Variants in BICD1 observed in about 807,000 individuals in gnomAD.
BICD1 encodes protein bicaudal D homolog 1.
A neutral mutation model predicts 92.5 loss-of-function variants in BICD1; 35 were observed. That is an observed-to-expected ratio of 0.38 (90% CI 0.29 to 0.50). BICD1 has a LOEUF of 0.50. Ranked by LOEUF, BICD1 falls within the 20% of genes least tolerant of loss-of-function variation. The probability of loss-of-function intolerance (pLI) is 0.93; values close to 1 mark genes in which losing one functional copy is unlikely to be tolerated. For missense variants in BICD1, 950 were observed against 1,189.8 expected, an observed-to-expected ratio of 0.80 and a Z score of 2.97; for synonymous variants, 429 against 465.1, an observed-to-expected ratio of 0.92 and a Z score of 1.00.
chr12:32,238,893 G>A (rs182565681), intron 2 of BICD1, among the ~76,000 whole-genome samples: 13 of 138,386 alleles, frequency 9.4e-5, no homozygotes, highest in African/African-American at 3.3e-4. Context: ...GCAGTGAGCC[G>A]AGATCGCGCC....
chr12:32,187,751 T>G (rs1459608672), intron 1 of BICD1, among the ~76,000 whole-genome samples: 1 of 152,186 alleles, frequency 6.6e-6, no homozygotes, highest in Non-Finnish European at 1.5e-5. Context: ...GACAAAGATG[T>G]AAGAACTACC....
chr12:32,320,597 C>T (rs768870066), intron 4 of BICD1, among the ~76,000 whole-genome samples: 4 of 152,040 alleles, frequency 2.6e-5, no homozygotes, highest in African/African-American at 4.8e-5. Flanking sequence ...TCCAAGATCA[C>T]GCCACTGCAC....
At chr12:32,333,067 A>T in intron 5 of BICD1, 1 of 985,008 alleles carries the variant, frequency 1.0e-6, no homozygotes, top group Non-Finnish European at 1.2e-6. Flanking sequence ...TCTGTTTCAG[A>T]TCTAGCTCTT....
chr12:32,136,192 C>T (rs79574050), intron 1 of BICD1, among the ~76,000 whole-genome samples: 2,459 of 152,316 alleles, frequency 0.016, 22 homozygotes, highest in African/African-American at 0.026. Context: ...TCTTACTCAA[C>T]TTTGTATCAC....
At chr12:32,140,624 A>G (rs559930007) in intron 1 of BICD1, among the ~76,000 whole-genome samples, 1 of 152,226 alleles carries the variant, frequency 6.6e-6, no homozygotes, top group South Asian at 2.1e-4. Flanking sequence ...CCATTGAAGG[A>G]AGTGCCATAG....
chr12:32,327,666 A>G lies in BICD1; in HGVS notation c.1211A>G (p.His404Arg), dbSNP rs757522782. ...GGCCGGGACTCAGGGGAGGAGGCCC[A>G]TGACTATGAGGTGGACATCAATGGT... ...EKGRDSGEEA[H>R]DYEVDINGLE... is the part of the protein sequence containing the mutation. The change falls in exon 5 of 10, where the codon CAT becomes CGT. Residue 404 changes from histidine to arginine, a missense_variant. By Grantham distance (29) the His-to-Arg change is conservative. Transcript: ENST00000652176. 3 of 1,614,110 alleles carry G rather than the reference A, an allele frequency of 1.9e-6. No homozygotes were observed. Among genetic ancestry groups the G allele is most frequent in the Non-Finnish European group, 2.5e-6 (3 of 1,179,998 alleles).
intron 8 of BICD1, among the ~76,000 whole-genome samples, chr12:32,367,151 T>A (rs1242046430): frequency 6.6e-6 from 1 of 152,204 alleles, no homozygotes; most frequent in Non-Finnish European, 1.5e-5. Flanking sequence ...TAAAGATTAT[T>A]TCCTTGTTTA....
chr12:32,282,018 A>T (rs1434562639), intron 2 of BICD1, among the ~76,000 whole-genome samples: 1 of 152,128 alleles, frequency 6.6e-6, no homozygotes, highest in Non-Finnish European at 1.5e-5. Context: ...GATCACTAAA[A>T]TCAGATTATG....
At chr12:32,317,193 A>G (rs906794133) in intron 4 of BICD1, among the ~76,000 whole-genome samples, 27 of 152,334 alleles carry the variant, frequency 1.8e-4, no homozygotes, top group African/African-American at 5.3e-4. Flanking sequence ...TTATAGCAGC[A>G]TGATTTATAA....
intron 2 of BICD1, among the ~76,000 whole-genome samples, chr12:32,292,645 C>A (rs558282519): frequency 6.6e-6 from 1 of 152,270 alleles, no homozygotes; most frequent in South Asian, 2.1e-4. Context: ...TATATCAAGG[C>A]TCTGCAAATT....
At chr12:32,295,051 C>T (rs1227292412) in intron 3 of BICD1, among the ~76,000 whole-genome samples, 1 of 140,148 alleles carries the variant, frequency 7.1e-6, no homozygotes, top group African/African-American at 2.7e-5. Context: ...CACTGCACTC[C>T]AGCCTGGGTG....
chr12:32,275,833 G>C (rs1304937116), intron 2 of BICD1, among the ~76,000 whole-genome samples: 1 of 152,090 alleles, frequency 6.6e-6, no homozygotes, highest in East Asian at 1.9e-4. Flanking sequence ...CGTCCTAATC[G>C]AGCTGAACAC....
chr12:32,146,092 G>A (rs530167807), intron 1 of BICD1, among the ~76,000 whole-genome samples: 1 of 152,252 alleles, frequency 6.6e-6, no homozygotes, highest in African/African-American at 2.4e-5. Context: ...TATGAACAAA[G>A]GCTCTCTCAG....
At chr12:32,176,917 C>T (rs1265906295) in intron 1 of BICD1, among the ~76,000 whole-genome samples, 1 of 151,710 alleles carries the variant, frequency 6.6e-6, no homozygotes, top group African/African-American at 2.4e-5. Context: ...TTTCATTTTT[C>T]TTGGGTGAAT....
chr12:32,263,514 C>G (rs970314246), intron 2 of BICD1, among the ~76,000 whole-genome samples: 2 of 151,096 alleles, frequency 1.3e-5, no homozygotes, highest in Non-Finnish European at 2.9e-5. Flanking sequence ...CCACTGCACT[C>G]CAGCCTGGGT....
chr12:32,154,028 G>C (rs1943365658), intron 1 of BICD1, among the ~76,000 whole-genome samples: 1 of 151,824 alleles, frequency 6.6e-6, no homozygotes, highest in African/African-American at 2.4e-5. Flanking sequence ...TTATAAAGTT[G>C]CAGACGGGAA....
chr12:32,233,103 C>G (rs1945941866), intron 2 of BICD1, among the ~76,000 whole-genome samples: 1 of 152,066 alleles, frequency 6.6e-6, no homozygotes, highest in Non-Finnish European at 1.5e-5. Flanking sequence ...GGGCATATCA[C>G]TTGAGGTCAA....
At chr12:32,167,752 G>A (rs1307320201) in intron 1 of BICD1, among the ~76,000 whole-genome samples, 1 of 152,120 alleles carries the variant, frequency 6.6e-6, no homozygotes, top group East Asian at 1.9e-4. Context: ...TACCGCGCCT[G>A]GCCTATCATT....
intron 1 of BICD1, among the ~76,000 whole-genome samples, chr12:32,110,316 GT>G (rs1454861982): frequency 1.3e-5 from 2 of 152,144 alleles, no homozygotes; most frequent in African/African-American, 2.4e-5. Context: ...CAACTCAATT[GT>G]TTTTTGACCT....
Sources: allele counts gnomAD v4.1 joint callset (sites outside exome capture counted in the v4.1 genomes callset), GRCh38; gene constraint gnomAD v4.1.1; transcripts MANE v1.5; gene names NCBI Gene and HGNC (gene_info 2026-07-23, HGNC 2026-07-21).